Variants in JAML observed in about 807,000 individuals in gnomAD.
JAML encodes junction adhesion molecule like.
A neutral mutation model predicts 39.3 loss-of-function variants in JAML; 25 were observed. That is an observed-to-expected ratio of 0.64 (90% CI 0.46 to 0.89). JAML has a LOEUF of 0.89. Among genes scored for constraint, JAML ranks in the 40% least tolerant of loss-of-function variants. The pLI, the probability that JAML is intolerant of heterozygous loss-of-function variation, is 0.00. For synonymous variants in JAML, 162 were observed against 179.2 expected, an observed-to-expected ratio of 0.90 and a Z score of 0.77; for missense variants, 440 against 486.9, an observed-to-expected ratio of 0.90 and a Z score of 0.91.
intron 1 of JAML, among the ~76,000 whole-genome samples, chr11:118,215,418 C>T (rs1036113396): frequency 6.6e-6 from 1 of 152,112 alleles, no homozygotes; most frequent in Non-Finnish European, 1.5e-5. Context: ...GTTGCCCAGG[C>T]TGGGGTGCAG....
intron 7 of JAML, among the ~76,000 whole-genome samples, chr11:118,199,039 A>G (rs1948720596): frequency 6.6e-6 from 1 of 152,118 alleles, no homozygotes; most frequent in Non-Finnish European, 1.5e-5. Flanking sequence ...TAAATTCTGT[A>G]TTTTTACTCC....
rs1212480086 is a variant in JAML, at chr11:118,196,839, T to C, written c.1006-18A>G. On this transcript the variant is annotated intron_variant, in intron 8 of 9. Coordinates refer to ENST00000356289, the MANE Select transcript of JAML (RefSeq NM_001098526.2). Reference sequence around the variant, plus strand: ...ATGTGTTTCTAGAGGGGGAAAATGGTACAAAAATTCCTAAAAATTAGATGA... The same window carrying C: ...ATGTGTTTCTAGAGGGGGAAAATGGCACAAAAATTCCTAAAAATTAGATGA... 1.3e-6 allele frequency: 2 copies of C among 1,582,166 alleles called. No individual in the cohort carries two copies. The highest frequency in any genetic ancestry group is 1.7e-6 in the Non-Finnish European group (2 of 1,150,986).
chr11:118,216,683 G>C (rs1052848102), intron 1 of JAML, among the ~76,000 whole-genome samples: 1 of 152,194 alleles, frequency 6.6e-6, no homozygotes, highest in African/African-American at 2.4e-5. Context: ...CAGGTTCTGA[G>C]CTTCTACCTT....
At position 118,204,878 on chromosome 11, in the gene JAML, G is replaced by T. The variant is rs1948885802; in HGVS notation, c.534+1004C>A. On this transcript the variant is annotated intron_variant, in intron 5 of 9. Coordinates refer to ENST00000356289, the MANE Select transcript of JAML (RefSeq NM_001098526.2). ...GGCATTAAAAAAAGCCATGTAGATT[G>T]CTTTTTTAAAGCTTTTAAGAAAAGT... is the stretch of plus-strand genomic sequence containing the variant. The T allele has an allele frequency of 2.0e-5, 3 of 152,044 alleles. No homozygotes were observed. In the South Asian group the frequency reaches 6.2e-4, roughly 31 times the overall value. 9.4% of individuals were successfully genotyped at this position (152,044 alleles called of 1,614,324 possible). A position where few individuals can be genotyped will look rare whatever the true frequency, so the allele number is the denominator to read the frequency against.
In JAML at chr11:118,215,927, G is replaced by A. The variant is rs45441701; in HGVS notation, c.-20-1041C>T. On this transcript the variant is annotated intron_variant, in intron 1 of 9. Transcript: ENST00000356289. ...CCTGCTACTGCTCCTGGCCTCAGCC[G>A]TGGTCTTTACCCCTGGCCACCCTGC... Among the ~76,000 whole-genome samples the A allele has an allele frequency of 6.3e-3, 954 of 152,236 alleles. 7 individuals carry two copies. The highest frequency in any genetic ancestry group is 8.3e-3 in the Non-Finnish European group (564 of 68,010).
intron 1 of JAML, among the ~76,000 whole-genome samples, chr11:118,217,353 G>A (rs1035135478): frequency 6.6e-6 from 1 of 152,240 alleles, no homozygotes; most frequent in Non-Finnish European, 1.5e-5. Flanking sequence ...CTAAAGCCGA[G>A]TAACTCAGAG....
chr11:118,213,421 T>A, intron 2 of JAML: 1 of 820,488 alleles, frequency 1.2e-6, no homozygotes, highest in Non-Finnish European at 1.5e-6. Context: ...AGAAGACAGT[T>A]AACTTCCTGC....
At position 118,210,499 on chromosome 11, in the gene JAML, C is replaced by G. The variant is rs748532315; in HGVS notation, c.412G>C (p.Glu138Gln). 2 of 1,613,988 alleles carry G rather than the reference C, an allele frequency of 1.2e-6. No homozygotes were observed. Among genetic ancestry groups the G allele is most frequent in the Admixed American group, 3.3e-5 (2 of 60,022 alleles). Residue 138 changes from glutamate to glutamine, a missense_variant, in exon 4 of 10, where the codon GAG becomes CAG. By Grantham distance (29) the Glu-to-Gln change is conservative. Coordinates refer to ENST00000356289, the MANE Select transcript of JAML (RefSeq NM_001098526.2). ...KKAVVLHVLP[E>Q]EPKELMVHVG... ...AGCATTTGCGTACCTTTGGGCTCCT[C>G]TGGAAGCACATGCAGTACCACCGCC...
At position 118,212,652 on chromosome 11, in the gene JAML, T is replaced by A. The variant is rs568762398; in HGVS notation, c.44-91A>T. 7 of 1,532,908 alleles carry A rather than the reference T, an allele frequency of 4.6e-6. No individual in the cohort carries two copies. In the South Asian group the frequency reaches 8.6e-5, roughly 19 times the overall value. The allele number at this position is 1,532,908 out of a possible 1,614,324, so 95.0% of individuals were successfully genotyped here. On this transcript the variant is annotated intron_variant, in intron 2 of 9. Transcript: ENST00000356289. ...CCAATCATGGAGTACTAAACACCCCTCTCCCTGGATGATCCAACATAGACA... is the reference window on the plus strand; with the variant it reads ...CCAATCATGGAGTACTAAACACCCCACTCCCTGGATGATCCAACATAGACA...
intron 9 of JAML, among the ~76,000 whole-genome samples, chr11:118,195,410 C>T (rs1421687000): frequency 6.6e-6 from 1 of 151,992 alleles, no homozygotes; most frequent in Non-Finnish European, 1.5e-5. Context: ...AAACAAAGCC[C>T]ATCATTCCAC....
intron 1 of JAML, among the ~76,000 whole-genome samples, chr11:118,221,164 T>C (rs1296358143): frequency 2.0e-5 from 3 of 152,150 alleles, no homozygotes; most frequent in African/African-American, 7.2e-5. Context: ...AGTACACCAT[T>C]AAAAGGAAAA....
intron 4 of JAML, 126 bp downstream of exon 4, chr11:118,210,361 G>A (rs1949022587): frequency 1.5e-6 from 1 of 667,924 alleles, no homozygotes; most frequent in Non-Finnish European, 2.5e-6. Context: ...ATCATTTTTT[G>A]AAGATTCACT....
At chr11:118,210,428 G>A in intron 4 of JAML, 59 bp downstream of exon 4, 1 of 1,545,650 alleles carries the variant, frequency 6.5e-7, no homozygotes, top group Non-Finnish European at 8.9e-7. Flanking sequence ...CAGTTTCCTT[G>A]CCTCTTGCAC....
rs1438316950 is a variant in JAML, at chr11:118,212,415, G to A, written c.190C>T (p.His64Tyr). Residue 64 changes from histidine (H) to tyrosine (Y), a missense_variant, in exon 3 of 10, where the codon CAC becomes TAC. His to Tyr is a moderately conservative substitution (Grantham distance 83, BLOSUM62 2). Coordinates refer to ENST00000356289, the MANE Select transcript of JAML (RefSeq NM_001098526.2). Reference sequence around the variant, plus strand: ...TGTTTCCCCCGCGTTACCTTGGCGTGCTCTCCTGGTGACAGAGTCCAGTCT... The same window carrying A: ...TGTTTCCCCCGCGTTACCTTGGCGTACTCTCCTGGTGACAGAGTCCAGTCT... ...KIDWTLSPGEHAKDEYVLYYY... is the reference protein window; with the variant it reads ...KIDWTLSPGEYAKDEYVLYYY... 6.2e-7 allele frequency: 1 copy of A among 1,613,756 alleles called. No individual in the cohort carries two copies. Among genetic ancestry groups the A allele is most frequent in the Non-Finnish European group, 8.5e-7 (1 of 1,179,954 alleles).
At chr11:118,219,597 C>T (rs1230920176) in intron 1 of JAML, among the ~76,000 whole-genome samples, 1 of 152,246 alleles carries the variant, frequency 6.6e-6, no homozygotes, top group African/African-American at 2.4e-5. Flanking sequence ...TGCTGTGCTG[C>T]CCATTACAAC....
intron 4 of JAML, among the ~76,000 whole-genome samples, chr11:118,208,087 C>T (rs914313009): frequency 8.0e-6 from 1 of 125,236 alleles, no homozygotes; most frequent in Non-Finnish European, 1.8e-5. Flanking sequence ...CAAACAAAGC[C>T]AGGCATGGTG....
chr11:118,215,022 G>C (rs866351201), intron 1 of JAML, 136 bp from the exon 2 acceptor site: 1 of 691,700 alleles, frequency 1.4e-6, no homozygotes, highest in South Asian at 1.9e-5. Flanking sequence ...AAAAACAGAC[G>C]AGGTCCCAGC....
intron 1 of JAML, among the ~76,000 whole-genome samples, chr11:118,220,675 A>C (rs1234994975): frequency 6.6e-6 from 1 of 152,250 alleles, no homozygotes; most frequent in African/African-American, 2.4e-5. Flanking sequence ...GAAGAAAGGC[A>C]GGCTCAATTG....
intron 6 of JAML, chr11:118,200,998 C>G (rs1948782735): frequency 1.1e-5 from 2 of 179,028 alleles, no homozygotes; most frequent in South Asian, 2.4e-4. Context: ...GACTCAGCCC[C>G]ACAGTGACGA....
Sources: allele counts gnomAD v4.1 joint callset (sites outside exome capture counted in the v4.1 genomes callset), GRCh38; gene constraint gnomAD v4.1.1; transcripts MANE v1.5; gene names NCBI Gene and HGNC (gene_info 2026-07-23, HGNC 2026-07-21).